The following AGAP1 variants were observed in gnomAD, a reference collection of about 807,000 sequenced individuals.
AGAP1 encodes the protein arf-GAP with GTPase, ANK repeat and PH domain-containing protein 1.
AGAP1 carries 29 observed loss-of-function variants against 105.3 expected under a neutral mutation model. The ratio of observed to expected loss-of-function variants is 0.28; its 90% CI spans 0.21 to 0.38. AGAP1 has a LOEUF of 0.38. Ranked by LOEUF, AGAP1 falls within the 10% of genes least tolerant of loss-of-function variation. AGAP1 has a pLI of 1.00. For synonymous variants in AGAP1, 509 were observed against 485.9 expected (o/e 1.05, Z -0.63); for missense variants, 998 against 1,165.1 (o/e 0.86, Z 2.09).
rs905993922 is a variant in AGAP1, at chr2:235,734,904, C to G, written c.311-6059C>G. ...TGGCCGTGGAGCTCTTGCTCTGTGTCTGAACTCCTTTTCCTCCTGAGTGGA... is the reference window on the plus strand; with the variant it reads ...TGGCCGTGGAGCTCTTGCTCTGTGTGTGAACTCCTTTTCCTCCTGAGTGGA... On this transcript the variant is annotated intron_variant, in intron 3 of 17. Coordinates refer to ENST00000304032, the MANE Select transcript of AGAP1 (RefSeq NM_001037131.3). This position sits in a 1 kb window ranked among gnomAD's most constrained non-coding sequence, Gnocchi z 5.3. Among the ~76,000 whole-genome samples the G allele has an allele frequency of 4.6e-5, 7 of 152,146 alleles. No homozygotes were observed. The highest frequency in any genetic ancestry group is 1.3e-4 in the Admixed American group (2 of 15,280).
rs1046279388 is a variant in AGAP1, at chr2:235,960,537, G to A, written c.1484-7925G>A. Reference sequence around the variant, plus strand: ...TGCAGGTGGGCGTGCGGACTCTTCCGTACCTCACTTCTCCCTGCACCTGTG... The same window carrying A: ...TGCAGGTGGGCGTGCGGACTCTTCCATACCTCACTTCTCCCTGCACCTGTG... On this transcript the variant is annotated intron_variant, in intron 12 of 17. Transcript: ENST00000304032. The surrounding 1 kb of genome is among the most constrained non-coding windows in gnomAD (Gnocchi z 4.9). 1.3e-5 allele frequency among the ~76,000 whole-genome samples: 2 copies of A among 152,086 alleles called. No homozygotes were observed. Among genetic ancestry groups the A allele is most frequent in the Admixed American group, 6.5e-5 (1 of 15,268 alleles).
At position 235,930,077 on chromosome 2, in the gene AGAP1, C is replaced by CG. The variant is rs2052648646; in HGVS notation, c.1325-688_1325-687insG. Among the ~76,000 whole-genome samples the CG allele has an allele frequency of 6.6e-6, 1 of 152,134 alleles. No homozygotes were observed. The highest frequency in any genetic ancestry group is 2.4e-5 in the African/African-American group (1 of 41,408). ...TTTTTGAGTCTAAAATTGGTATGAC[C>CG]AGATAATAATTCATTTTGATGTTGA... On this transcript the variant is annotated intron_variant, in intron 11 of 17. Transcript: ENST00000304032. This position sits in a 1 kb window ranked among gnomAD's most constrained non-coding sequence, Gnocchi z 7.9.
In AGAP1 at chr2:236,092,915, C is replaced by T. The variant is rs559035412; in HGVS notation, c.2115-27277C>T. Among the ~76,000 whole-genome samples the T allele has an allele frequency of 3.9e-5, 6 of 152,308 alleles. No homozygotes were observed. In the South Asian group the frequency reaches 6.2e-4, roughly 16 times the overall value. On this transcript the variant is annotated intron_variant, in intron 16 of 17. Coordinates refer to ENST00000304032, the MANE Select transcript of AGAP1 (RefSeq NM_001037131.3). The surrounding 1 kb of genome is among the most constrained non-coding windows in gnomAD (Gnocchi z 4.7). The stretch of plus-strand genomic sequence containing the variant: ...AGCTACCAGGGACCAGGGCAGATGC[C>T]GCAGACAGAAACAGGAGCGGCTCCA...
intron 6 of AGAP1, among the ~76,000 whole-genome samples, chr2:235,773,235 A>G (rs1042908159): frequency 5.9e-5 from 9 of 152,204 alleles, no homozygotes; most frequent in Non-Finnish European, 8.8e-5. Context: ...TGTACACCCC[A>G]TGCAAATGAA....
intron 11 of AGAP1, among the ~76,000 whole-genome samples, chr2:235,922,414 A>G (rs114603720): frequency 0.02 from 3,117 of 152,296 alleles, 53 homozygotes; most frequent in Middle Eastern, 0.048. Context: ...CATCACCAAG[A>G]GTTGCTCCTC....
In AGAP1 at chr2:235,882,271, C is replaced by T; in HGVS notation, c.1051-1074C>T. On this transcript the variant is annotated intron_variant, in intron 9 of 17. Transcript: ENST00000304032. The surrounding 1 kb of genome is among the most constrained non-coding windows in gnomAD (Gnocchi z 4.6). ...CAGAGTGCCCAGGTTCACAATGCAG[C>T]TTGTGGCTCGTGTCCATCTTGCAGG... is the stretch of plus-strand genomic sequence containing the variant. The T allele has an allele frequency of 5.4e-6, 3 of 559,144 alleles. No individual in the cohort carries two copies. The highest frequency in any genetic ancestry group is 1.9e-5 in the South Asian group (1 of 52,042). 34.6% of individuals were successfully genotyped at this position (559,144 alleles called of 1,614,324 possible).
intron 1 of AGAP1, among the ~76,000 whole-genome samples, chr2:235,699,238 A>T (rs1950143018): frequency 6.6e-6 from 1 of 152,122 alleles, no homozygotes; most frequent in South Asian, 2.1e-4. Flanking sequence ...GAGCTGGGTC[A>T]GGGGGATGGG....
rs1946294325 is a variant in AGAP1 at position 235,615,977 on chromosome 2, T to G, written c.164-93202T>G. On this transcript the variant is annotated intron_variant, in intron 1 of 17. Coordinates refer to ENST00000304032, the MANE Select transcript of AGAP1 (RefSeq NM_001037131.3). The surrounding 1 kb of genome is among the most constrained non-coding windows in gnomAD (Gnocchi z 5.0). ...AAAAATATTTCCTAACTAAAGGAAA[T>G]GGACACAAAATTCATAAAAGAAGAA... is the stretch of plus-strand genomic sequence containing the variant. 1.3e-5 allele frequency among the ~76,000 whole-genome samples: 2 copies of G among 152,234 alleles called. No individual in the cohort carries two copies. The highest frequency in any genetic ancestry group is 4.1e-4 in the South Asian group (2 of 4,824).
At chr2:236,034,603 C>T (rs1202837223) in intron 13 of AGAP1, among the ~76,000 whole-genome samples, 8 of 152,270 alleles carry the variant, frequency 5.3e-5, no homozygotes, top group Non-Finnish European at 1.2e-4. Flanking sequence ...AAAGGACACC[C>T]CCATACCGTG....
At chr2:235,914,382 G>A (rs984044059) in intron 11 of AGAP1, among the ~76,000 whole-genome samples, 2 of 152,092 alleles carry the variant, frequency 1.3e-5, no homozygotes, top group African/African-American at 4.8e-5. Context: ...CGTCTCTCCA[G>A]GAGCCTTACA....
intron 16 of AGAP1, among the ~76,000 whole-genome samples, chr2:236,072,883 TAAA>T (rs939594625): frequency 2.0e-5 from 3 of 152,236 alleles, no homozygotes; most frequent in African/African-American, 7.2e-5. Flanking sequence ...AGCTGCATGT[TAAA>T]AAGTCAAAAG....
At chr2:235,783,188 G>T in intron 6 of AGAP1, 1 of 335,122 alleles carries the variant, frequency 3.0e-6, no homozygotes, top group Admixed American at 4.5e-5. Context: ...TGTTTCTCAG[G>T]CTTTTCTTAG....
In AGAP1 at chr2:236,050,781, T is replaced by C. The variant is rs2057873889; in HGVS notation, c.2114+1500T>C. On this transcript the variant is annotated intron_variant, in intron 16 of 17. Transcript: ENST00000304032. This position sits in a 1 kb window ranked among gnomAD's most constrained non-coding sequence, Gnocchi z 4.0. ...ATTCACTATTTTTAATATCATGAAT[T>C]ATTAGAAAAGTTTGTTTATCCATCC... is the stretch of plus-strand genomic sequence containing the variant. 6.6e-6 allele frequency among the ~76,000 whole-genome samples: 1 copy of C among 152,232 alleles called. No homozygotes were observed. Among genetic ancestry groups the C allele is most frequent in the African/African-American group, 2.4e-5 (1 of 41,458 alleles).
At chr2:235,523,898 G>C (rs1942724566) in intron 1 of AGAP1, among the ~76,000 whole-genome samples, 1 of 152,006 alleles carries the variant, frequency 6.6e-6, no homozygotes, top group African/African-American at 2.4e-5. Context: ...ACCAGGGTAT[G>C]GGATTGCAGC....
At chr2:235,696,735 AATT>A (rs1950016118) in intron 1 of AGAP1, among the ~76,000 whole-genome samples, 1 of 152,018 alleles carries the variant, frequency 6.6e-6, no homozygotes, top group East Asian at 1.9e-4. Flanking sequence ...GTGGGGGAAA[AATT>A]ATCCATGCCA....
At chr2:235,698,638 T>G (rs1325841412) in intron 1 of AGAP1, among the ~76,000 whole-genome samples, 3 of 152,164 alleles carry the variant, frequency 2.0e-5, no homozygotes, top group Admixed American at 6.5e-5. Context: ...GATTCTGGCT[T>G]TGGTCTAAGG....
At chr2:235,652,529 A>G (rs772263721) in intron 1 of AGAP1, among the ~76,000 whole-genome samples, 2 of 152,186 alleles carry the variant, frequency 1.3e-5, no homozygotes, top group East Asian at 1.9e-4. Flanking sequence ...AGGAGACACC[A>G]CATCATCATT....
rs1028453942 is a variant in AGAP1, at chr2:235,934,398, G to A, written c.1483+3475G>A. On this transcript the variant is annotated intron_variant, in intron 12 of 17. Coordinates refer to ENST00000304032, the MANE Select transcript of AGAP1 (RefSeq NM_001037131.3). This position sits in a 1 kb window ranked among gnomAD's most constrained non-coding sequence, Gnocchi z 4.9. ...GGACGCATCCTTGTCTGTCTGCGCC[G>A]AGGGTACCATCCCGGCGTCCCTCTG... 2.6e-5 allele frequency among the ~76,000 whole-genome samples: 4 copies of A among 152,284 alleles called. No homozygotes were observed. In the South Asian group the frequency reaches 6.2e-4, roughly 24 times the overall value.
intron 13 of AGAP1, among the ~76,000 whole-genome samples, chr2:235,999,878 C>CT (rs1463488715): frequency 6.6e-6 from 1 of 152,054 alleles, no homozygotes. Context: ...ATTCATTAAA[C>CT]TTGTAAGTCA....
Sources: gnomAD v4.1 joint callset for allele counts (sites outside exome capture counted in the v4.1 genomes callset) on GRCh38, gnomAD v4.1.1 for gene constraint, Gnocchi (gnomAD v3.1) non-coding constraint, MANE v1.5 for transcripts, NCBI Gene and HGNC (gene_info 2026-07-23, HGNC 2026-07-21) for gene names.